The following KRTAP9-9 variants were observed in gnomAD, a reference collection of about 807,000 sequenced individuals.
KRTAP9-9 encodes the protein keratin associated protein 9-9, also known as keratin-associated protein 9-9.
A neutral mutation model predicts 13.7 loss-of-function variants in KRTAP9-9; 12 were observed. The ratio of observed to expected loss-of-function variants is 0.88; its 90% CI spans 0.56 to 1.42. The LOEUF (loss-of-function observed/expected upper bound fraction) is 1.42. KRTAP9-9 is among the 40% of genes most tolerant of loss of function. KRTAP9-9 has a pLI of 0.00. For synonymous variants in KRTAP9-9, 81 were observed against 78.1 expected, an observed-to-expected ratio of 1.04 and a Z score of -0.19; for missense variants, 194 against 206.5, an observed-to-expected ratio of 0.94 and a Z score of 0.37.
At chr17:41,255,932 CCTTCTG>C in exon 1 of KRTAP9-9, 11 of 1,606,050 alleles carry the variant, frequency 6.8e-6, no homozygotes, top group Non-Finnish European at 9.4e-6. Context: ...CACACAACAA[CCTTCTG>C]CTCAACTGAC....
At chr17:41,255,812 G>A (rs374673591) in exon 1 of KRTAP9-9, 186 of 1,612,362 alleles carry the variant, frequency 1.2e-4, no homozygotes, top group Middle Eastern at 1.7e-4. Context: ...CTGCCGCCCC[G>A]CCTGCTGTGA....
chr17:41,255,588 C>G (rs1339979553), exon 1 of KRTAP9-9: 5 of 1,613,524 alleles, frequency 3.1e-6, no homozygotes, highest in Non-Finnish European at 4.2e-6. Context: ...ACCTGTCTGA[C>G]CAGCTGCTGC....
At chr17:41,255,385 C>T (rs1318775564) in exon 1 of KRTAP9-9, 1 of 1,596,168 alleles carries the variant, frequency 6.3e-7, no homozygotes, top group South Asian at 1.1e-5. Flanking sequence ...CCCCTGACAC[C>T]ATGACCCACT....
At chr17:41,255,548 A>C in exon 1 of KRTAP9-9, 1 of 1,613,690 alleles carries the variant, frequency 6.2e-7, no homozygotes, top group South Asian at 1.1e-5. Context: ...CTGTCAAAAC[A>C]CCTGCTGCAG....
chr17:41,255,466 C>G (rs768312660), exon 1 of KRTAP9-9: 1 of 1,588,698 alleles, frequency 6.3e-7, no homozygotes, highest in South Asian at 1.1e-5. Context: ...TGACCACCTG[C>G]AGCAGCACAC....
exon 1 of KRTAP9-9, chr17:41,256,140 T>C (rs1014855865): frequency 1.4e-6 from 1 of 720,442 alleles, no homozygotes; most frequent in Non-Finnish European, 2.3e-6. Flanking sequence ...TTTTGAGTCA[T>C]GGTCTCAGCT....
At position 41,255,624 on chromosome 17, in the gene KRTAP9-9, G is replaced by C. The variant is rs1174876000; in HGVS notation, c.239G>C (p.Cys80Ser). Residue 80 changes from cysteine (C) to serine (S), a missense_variant, in exon 1 of 1, where the codon TGC (cysteine) becomes TCC (serine). Cys to Ser is a moderately radical substitution (Grantham distance 112). Coordinates refer to ENST00000394008, the Ensembl canonical transcript of KRTAP9-9. ...CAGCCTTCCTGCTGCAGCACAACCT[G>C]CTGCCAGCCCATCTGCTGTGGGTCC... The C allele has an allele frequency of 3.1e-6, 5 of 1,610,754 alleles. No homozygotes were observed. The Admixed American group carries it at 6.7e-5, about 22-fold the overall frequency.
exon 1 of KRTAP9-9, chr17:41,255,477 C>A: frequency 6.3e-7 from 1 of 1,593,360 alleles, no homozygotes; most frequent in Non-Finnish European, 8.6e-7. Context: ...AGCAGCACAC[C>A]CTGCTGCCAG....
chr17:41,255,491 T>G (rs757535399), exon 1 of KRTAP9-9: 43 of 1,596,708 alleles, frequency 2.7e-5, no homozygotes, highest in Non-Finnish European at 3.4e-5. Flanking sequence ...CTGCCAGCCC[T>G]CCTGCTGTGT....
At chr17:41,256,151 T>G (rs569257596) in exon 1 of KRTAP9-9, 305 of 675,766 alleles carry the variant, frequency 4.5e-4, no homozygotes, top group Non-Finnish European at 7.1e-4. Flanking sequence ...GGTCTCAGCT[T>G]TGACTCAAAA....
exon 1 of KRTAP9-9, chr17:41,255,992 A>C: frequency 6.5e-7 from 1 of 1,549,108 alleles, no homozygotes; most frequent in Non-Finnish European, 8.7e-7. Context: ...GACAGCAACC[A>C]TGTTCTCACC....
At chr17:41,256,341 A>G (rs1167383474) in exon 1 of KRTAP9-9, 2 of 200,186 alleles carry the variant, frequency 1.0e-5, no homozygotes, top group African/African-American at 4.8e-5. Flanking sequence ...TTCTTAATAA[A>G]TAAATTTGGA....
At chr17:41,256,117 C>T (rs2016320037) in exon 1 of KRTAP9-9, 6 of 835,178 alleles carry the variant, frequency 7.2e-6, no homozygotes, top group Non-Finnish European at 1.1e-5. Flanking sequence ...GTGCCAGCTT[C>T]ATGTGTTCTC....
chr17:41,255,602 C>A, exon 1 of KRTAP9-9: 8 of 1,613,610 alleles, frequency 5.0e-6, no homozygotes, highest in Non-Finnish European at 6.8e-6. Context: ...CTGCTGCCAG[C>A]CTTCCTGCTG....
exon 1 of KRTAP9-9, chr17:41,255,796 G>A (rs2016311850): frequency 1.9e-6 from 3 of 1,613,378 alleles, no homozygotes; most frequent in East Asian, 4.5e-5. Context: ...GCTGCTGCCA[G>A]CCCTGCTGCC....
exon 1 of KRTAP9-9, chr17:41,256,013 T>C: frequency 2.0e-6 from 3 of 1,524,100 alleles, no homozygotes; most frequent in Non-Finnish European, 2.7e-6. Flanking sequence ...CAAATTTTTA[T>C]GAATTCTCTG....
In KRTAP9-9 at chr17:41,256,109, G is replaced by A. The variant is rs892914257; in HGVS notation, c.*214G>A. The A allele has an allele frequency of 4.6e-6, 4 of 869,056 alleles. No homozygotes were observed. In the African/African-American group the frequency reaches 5.1e-5, roughly 11 times the overall value. The allele number at this position is 869,056 out of a possible 1,614,324, so 53.8% of individuals were successfully genotyped here. A position where few individuals can be genotyped will look rare whatever the true frequency, so the allele number is the denominator to read the frequency against. ...TTTTCTTATACCTTGTGAATCATGTGCCAGCTTCATGTGTTCTCAATTTTG... is the reference window on the plus strand; with the variant it reads ...TTTTCTTATACCTTGTGAATCATGTACCAGCTTCATGTGTTCTCAATTTTG... On this transcript the variant is annotated 3_prime_UTR_variant, in exon 1 of 1. Coordinates refer to ENST00000394008, the Ensembl canonical transcript of KRTAP9-9.
At position 41,255,882 on chromosome 17, in the gene KRTAP9-9, C is replaced by T. The variant is rs949814512; in HGVS notation, c.497C>T (p.Pro166Leu). ...ACCTGTGTGTCCAGCTGCTGCCAGC[C>T]TTCTTGCTGCTGATCAAGTCCCAAG... The change falls in exon 1 of 1, where the codon CCT becomes CTT. Residue 166 changes from proline to leucine, a missense_variant. Physicochemically the swap from Pro to Leu is moderately conservative, Grantham distance 98. Coordinates refer to ENST00000394008, the Ensembl canonical transcript of KRTAP9-9. 3.7e-6 allele frequency: 6 copies of T among 1,614,002 alleles called. No individual in the cohort carries two copies. The highest frequency in any genetic ancestry group is 3.3e-5 in the Admixed American group (2 of 60,010).
exon 1 of KRTAP9-9, chr17:41,255,711 T>C (rs1478802933): frequency 6.2e-7 from 1 of 1,613,452 alleles, no homozygotes; most frequent in African/African-American, 1.3e-5. Context: ...TGTGCACCTG[T>C]GTACTGCAGA....
Sources: gnomAD v4.1 joint callset for allele counts on GRCh38, gnomAD v4.1.1 for gene constraint, MANE v1.5 for transcripts, NCBI Gene and HGNC (gene_info 2026-07-23, HGNC 2026-07-21) for gene names.